Variants in OPRM1 observed in about 807,000 individuals in gnomAD.
The protein encoded by OPRM1 is mu-type opioid receptor.
In OPRM1, 27 loss-of-function variants were observed where a neutral mutation model predicts 31.8. The ratio of observed to expected loss-of-function variants is 0.85; its 90% CI spans 0.63 to 1.17. OPRM1 has a LOEUF of 1.17. Among genes scored for constraint, OPRM1 ranks in the 50% most tolerant of loss-of-function variants. The pLI is 0.00. For synonymous variants in OPRM1, 196 were observed against 189.9 expected (o/e 1.03, Z -0.26); for missense variants, 536 against 511.1 (o/e 1.05, Z -0.47).
chr6:154,108,464 G>A (rs1795938213), intron 3 of OPRM1: 1 of 153,396 alleles, frequency 6.5e-6, no homozygotes, highest in Non-Finnish European at 1.5e-5. Flanking sequence ...CACTGTAGAA[G>A]TTCAGGCAGC....
intron 1 of OPRM1, among the ~76,000 whole-genome samples, chr6:154,028,351 G>A (rs1272764651): frequency 3.3e-5 from 5 of 152,136 alleles, no homozygotes; most frequent in Admixed American, 2.6e-4. Flanking sequence ...GATTCAAGAT[G>A]CAACACGAAG....
intron 2 of OPRM1, among the ~76,000 whole-genome samples, 182 bp downstream of exon 2, chr6:154,090,360 G>C (rs770461612): frequency 6.6e-6 from 1 of 152,068 alleles, no homozygotes; most frequent in African/African-American, 2.4e-5. Context: ...ATAATTTTAG[G>C]CCTATTAAAT....
Position 154,130,634 on chromosome 6 carries a change from A to T in OPRM1, c.*11913A>T, listed in dbSNP as rs1797843981. Among the ~76,000 whole-genome samples the T allele has an allele frequency of 6.6e-6, 1 of 152,120 alleles. No homozygotes were observed. The highest frequency in any genetic ancestry group is 1.5e-5 in the Non-Finnish European group (1 of 68,036). On this transcript the variant is annotated 3_prime_UTR_variant, in exon 4 of 4. Coordinates refer to ENST00000330432, the MANE Select transcript of OPRM1 (RefSeq NM_000914.5). ...AATTAAGTTAGAAATACTAGTATAT[A>T]TATTCCCTTTATATACTAATTGTAT...
chr6:154,109,201 A>G (rs947992835), intron 3 of OPRM1, among the ~76,000 whole-genome samples: 1 of 152,258 alleles, frequency 6.6e-6, no homozygotes, highest in African/African-American at 2.4e-5. Flanking sequence ...GGGAAATAGA[A>G]GGCTTAGAAA....
chr6:154,196,396 G>A (rs1776627141), intron 3 of OPRM1, among the ~76,000 whole-genome samples: 1 of 152,030 alleles, frequency 6.6e-6, no homozygotes, highest in Non-Finnish European at 1.5e-5. Flanking sequence ...TAGAATGCCT[G>A]CCTCTTCTTT....
At chr6:154,115,885 T>C (rs1032087260) in intron 3 of OPRM1, among the ~76,000 whole-genome samples, 11 of 152,348 alleles carry the variant, frequency 7.2e-5, no homozygotes, top group African/African-American at 2.4e-4. Flanking sequence ...CTGAGTTTCT[T>C]TGGCGATCAT....
chr6:154,201,910 C>G (rs560589006), intron 3 of OPRM1, among the ~76,000 whole-genome samples: 1 of 152,086 alleles, frequency 6.6e-6, no homozygotes, highest in African/African-American at 2.4e-5. Flanking sequence ...AACAAACAAA[C>G]AAAAAAACTC....
chr6:154,146,261 G>A (rs773364609), intron 3 of OPRM1, among the ~76,000 whole-genome samples: 7 of 152,180 alleles, frequency 4.6e-5, no homozygotes, highest in African/African-American at 1.2e-4. Context: ...TCAGCTGAGC[G>A]CGGTGGCGGG....
chr6:154,117,216 A>G (rs1382563176), intron 3 of OPRM1, among the ~76,000 whole-genome samples: 1 of 152,210 alleles, frequency 6.6e-6, no homozygotes, highest in Non-Finnish European at 1.5e-5. Flanking sequence ...CCAGCTTATG[A>G]GTTCTTGCCT....
At chr6:154,024,042 A>G (rs370341734) in intron 1 of OPRM1, among the ~76,000 whole-genome samples, 23 of 152,150 alleles carry the variant, frequency 1.5e-4, no homozygotes, top group African/African-American at 5.5e-4. Context: ...TATCAGGGTA[A>G]TATTGGCCTC....
In OPRM1 at chr6:154,031,878, A is replaced by G. The variant is rs144169302; in HGVS notation, c.1-7283A>G. Among the ~76,000 whole-genome samples, 434 of 152,360 alleles carry G rather than the reference A, an allele frequency of 2.8e-3. 3 individuals are homozygous for G. The Middle Eastern group carries it at 0.037, about 13-fold the overall frequency. ...AGCTGTTGAGGATTCATGGTGAGCT[A>G]GGAGCAAACGGTGAGTATCCAGAAA... On this transcript the variant is annotated intron_variant, in intron 1 of 5. Coordinates refer to the OPRM1 transcript ENST00000434900.
chr6:154,069,101 T>C (rs1052835157), intron 1 of OPRM1, among the ~76,000 whole-genome samples: 35 of 152,218 alleles, frequency 2.3e-4, no homozygotes, highest in African/African-American at 7.7e-4. Context: ...ATTTTGGATA[T>C]CAGCCCCTTA....
chr6:154,180,414 A>ATATATATATATATATTTTTTTT (rs1241250621), intron 3 of OPRM1, among the ~76,000 whole-genome samples: 1 of 65,268 alleles, frequency 1.5e-5, no homozygotes, highest in African/African-American at 4.8e-5. Flanking sequence ...ATATATATAT[A>ATATATATATATATATTTTTTTT]TTTTTTTTTT....
At chr6:154,158,476 T>G (rs1278383641) in intron 3 of OPRM1, 3 of 152,224 alleles carry the variant, frequency 2.0e-5, no homozygotes, top group Non-Finnish European at 4.4e-5. Flanking sequence ...GCACAAAGCT[T>G]AAAGTTTATT....
intron 1 of OPRM1, among the ~76,000 whole-genome samples, chr6:154,064,137 T>G (rs1420689253): frequency 6.6e-6 from 1 of 152,102 alleles, no homozygotes; most frequent in East Asian, 1.9e-4. Flanking sequence ...CACCAACACT[T>G]GTTATTTTCT....
At chr6:154,079,078 T>A (rs1015847272) in intron 1 of OPRM1, among the ~76,000 whole-genome samples, 3 of 152,180 alleles carry the variant, frequency 2.0e-5, no homozygotes, top group African/African-American at 7.2e-5. Context: ...CAACTCAGTG[T>A]GAGCCCTGCC....
intron 3 of OPRM1, among the ~76,000 whole-genome samples, chr6:154,172,722 G>C (rs889025705): frequency 2.0e-5 from 3 of 152,254 alleles, no homozygotes; most frequent in Admixed American, 1.3e-4. Context: ...TTCCACCTCT[G>C]GGGGCAGGGC....
chr6:154,118,627 G>A (rs1322917424), intron 3 of OPRM1, 56 bp from the exon 4 acceptor site: 43 of 1,551,076 alleles, frequency 2.8e-5, no homozygotes, highest in Middle Eastern at 1.7e-4. Context: ...CTCAACAAAT[G>A]TGTGTTGCAA....
At chr6:154,071,725 A>G (rs531201208) in intron 1 of OPRM1, among the ~76,000 whole-genome samples, 18 of 152,232 alleles carry the variant, frequency 1.2e-4, no homozygotes, top group Non-Finnish European at 2.4e-4. Flanking sequence ...GTAATTTTTT[A>G]TCTAGGAGGA....
Sources: gnomAD v4.1 joint callset for allele counts (sites outside exome capture counted in the v4.1 genomes callset) on GRCh38, gnomAD v4.1.1 for gene constraint, MANE v1.5 for transcripts, NCBI Gene and HGNC (gene_info 2026-07-23, HGNC 2026-07-21) for gene names.